The following TAOK1 variants were observed in gnomAD, a reference collection of about 807,000 sequenced individuals.
TAOK1 encodes the protein serine/threonine-protein kinase TAO1.
TAOK1 carries 21 observed loss-of-function variants against 138.3 expected under a neutral mutation model. The ratio of observed to expected loss-of-function variants is 0.15; its 90% CI spans 0.11 to 0.22. TAOK1 has a LOEUF of 0.22. TAOK1 is among the 10% of genes least tolerant of loss of function. TAOK1 has a pLI of 1.00. For synonymous variants in TAOK1, 361 were observed against 398.4 expected (o/e 0.91, Z 1.12); for missense variants, 651 against 1,227.7 (o/e 0.53, Z 7.02).
intron 1 of TAOK1, among the ~76,000 whole-genome samples, chr17:29,421,912 C>CTT (rs951520222): frequency 6.7e-6 from 1 of 149,872 alleles, no homozygotes; most frequent in Admixed American, 6.7e-5. Flanking sequence ...TCTATTTATC[C>CTT]TTTTTTTTTG....
Position 29,544,094 on chromosome 17 carries a change from A to G in TAOK1, c.*1072A>G, listed in dbSNP as rs958403184. On this transcript the variant is annotated 3_prime_UTR_variant, in exon 20 of 20. Coordinates refer to ENST00000261716, the MANE Select transcript of TAOK1 (RefSeq NM_020791.4). ...TCAAATGCCGGAGGTGTTTGATGCC[A>G]TATTTGCAAATTGCCATCTATTGAA... 1 of 152,658 alleles carries G rather than the reference A, an allele frequency of 6.6e-6. No homozygotes were observed. Among genetic ancestry groups the G allele is most frequent in the Non-Finnish European group, 1.5e-5 (1 of 68,038 alleles). 9.5% of individuals were successfully genotyped at this position (152,658 alleles called of 1,614,324 possible). A position where few individuals can be genotyped will look rare whatever the true frequency, so the allele number is the denominator to read the frequency against.
intron 10 of TAOK1, among the ~76,000 whole-genome samples, chr17:29,492,629 T>G (rs1425628892): frequency 6.6e-6 from 1 of 151,480 alleles, no homozygotes; most frequent in African/African-American, 2.4e-5. Flanking sequence ...CCGTCTCTAC[T>G]GAAAATACAA....
intron 17 of TAOK1, among the ~76,000 whole-genome samples, chr17:29,523,783 A>G (rs1206842571): frequency 6.6e-6 from 1 of 152,148 alleles, no homozygotes; most frequent in East Asian, 1.9e-4. Flanking sequence ...ACTTTTATTT[A>G]TATTCAGTAA....
At chr17:29,418,611 G>C (rs2153021561) in intron 1 of TAOK1, among the ~76,000 whole-genome samples, 1 of 152,250 alleles carries the variant, frequency 6.6e-6, no homozygotes, top group Admixed American at 6.5e-5. Flanking sequence ...AGATGATGTA[G>C]TATTTGCATA....
chr17:29,498,411 A>G lies in TAOK1; in HGVS notation c.1093A>G (p.Ser365Gly), dbSNP rs1162639517. ...CATGTCCATCAGTGCCAGCAGCCAAAGCAGTAGTGTTAACAGTCTTCCAGA... is the reference window on the plus strand; with the variant it reads ...CATGTCCATCAGTGCCAGCAGCCAAGGCAGTAGTGTTAACAGTCTTCCAGA... The part of the protein sequence containing the change: ...PSMSISASSQ[S>G]SSVNSLPDVS... Residue 365 changes from serine to glycine, a missense_variant, in exon 12 of 20, where the codon AGC becomes GGC. Around this residue, in one of 8 missense-constraint regions of TAOK1, gnomAD observed 104 missense variants for 151.7 expected, o/e 0.69. Coordinates refer to ENST00000261716, the MANE Select transcript of TAOK1 (RefSeq NM_020791.4). 4 of 1,614,102 alleles carry G rather than the reference A, an allele frequency of 2.5e-6. No individual in the cohort carries two copies. The African/African-American group carries it at 5.3e-5, about 22-fold the overall frequency.
At chr17:29,450,113 G>T (rs562913953) in intron 1 of TAOK1, among the ~76,000 whole-genome samples, 1 of 149,034 alleles carries the variant, frequency 6.7e-6, no homozygotes, top group South Asian at 2.1e-4. Context: ...AACAAACAGG[G>T]TCTCTCTCTC....
chr17:29,496,579 C>CTTTTTTTTTTTTTT (rs748595265), intron 11 of TAOK1, among the ~76,000 whole-genome samples: 1 of 87,858 alleles, frequency 1.1e-5, no homozygotes, highest in Non-Finnish European at 2.0e-5. Context: ...CCATCTACAC[C>CTTTTTTTTTTTTTT]TTTTTTTTTT....
intron 2 of TAOK1, among the ~76,000 whole-genome samples, chr17:29,463,793 A>G (rs1238935660): frequency 6.6e-6 from 1 of 152,210 alleles, no homozygotes; most frequent in Non-Finnish European, 1.5e-5. Flanking sequence ...AGACAACAGG[A>G]GAAAATATTT....
rs572102380 is a variant in TAOK1, at chr17:29,505,201, A to G, written c.1338+2478A>G. 2.0e-5 allele frequency among the ~76,000 whole-genome samples: 3 copies of G among 152,340 alleles called. No homozygotes were observed. In the South Asian group the frequency reaches 6.2e-4, roughly 32 times the overall value. ...TTATTCATTATAAGTGCTATATACC[A>G]TAACTTAGTCTACCGTCTCCTGCCT... On this transcript the variant is annotated intron_variant, in intron 13 of 19. Coordinates refer to ENST00000261716, the MANE Select transcript of TAOK1 (RefSeq NM_020791.4).
chr17:29,457,707 G>C lies in TAOK1; in HGVS notation c.132+6027G>C, dbSNP rs1319857686. On this transcript the variant is annotated intron_variant, in intron 2 of 19. Coordinates refer to ENST00000261716, the MANE Select transcript of TAOK1 (RefSeq NM_020791.4). Reference sequence around the variant, plus strand: ...AGGCGTGAGCCACTGCACCTTGCCTGAGTTTACTGATTTAAGTGCCATCCA... The same window carrying C: ...AGGCGTGAGCCACTGCACCTTGCCTCAGTTTACTGATTTAAGTGCCATCCA... Among the ~76,000 whole-genome samples, 4 of 151,944 alleles carry C rather than the reference G, an allele frequency of 2.6e-5. No individual in the cohort carries two copies. The East Asian group carries it at 5.8e-4, about 22-fold the overall frequency.
Position 29,510,850 on chromosome 17 carries a change from TA to T in TAOK1, c.1576-11del. The T allele has an allele frequency of 6.4e-7, 1 of 1,552,756 alleles. No individual in the cohort carries two copies. The highest frequency in any genetic ancestry group is 8.7e-7 in the Non-Finnish European group (1 of 1,154,202). Reference sequence around the variant, plus strand: ...ACTTAACTAAATTTGATTCATTTTTTAAACTTCATATAGGCTAAAGTGATGT... The same window carrying T: ...ACTTAACTAAATTTGATTCATTTTTTAACTTCATATAGGCTAAAGTGATGT... On this transcript the variant is annotated splice_polypyrimidine_tract_variant and intron_variant, in intron 14 of 19. Transcript: ENST00000261716.
rs761962930 is a variant in TAOK1 at position 29,468,135 on chromosome 17, A to ATTTTTTTTT, written c.204+928_204+936dup. On this transcript the variant is annotated intron_variant, in intron 3 of 19. Transcript: ENST00000261716. Reference sequence around the variant, plus strand: ...AACCACTGTGCTTGGCCTGCTTTCAATTTTTTTTTTTTTTTTTAGGAGCTG... The same window carrying ATTTTTTTTT: ...AACCACTGTGCTTGGCCTGCTTTCAATTTTTTTTTTTTTTTTTTTTTTTTTTAGGAGCTG... 4.3e-3 allele frequency among the ~76,000 whole-genome samples: 330 copies of ATTTTTTTTT among 76,036 alleles called. 60 individuals are homozygous for ATTTTTTTTT. Among genetic ancestry groups the ATTTTTTTTT allele is most frequent in the East Asian group, 0.011 (16 of 1,498 alleles). 49.9% of individuals were successfully genotyped at this position (76,036 alleles called of 152,430 possible). A position where few individuals can be genotyped will look rare whatever the true frequency, so the allele number is the denominator to read the frequency against.
intron 13 of TAOK1, among the ~76,000 whole-genome samples, chr17:29,505,951 G>A (rs937680150): frequency 2.0e-5 from 3 of 152,124 alleles, no homozygotes; most frequent in African/African-American, 2.4e-5. Context: ...AATTGAAAAC[G>A]TTATCAACAA....
chr17:29,399,197 C>T (rs1174901849), intron 1 of TAOK1, among the ~76,000 whole-genome samples: 8 of 151,914 alleles, frequency 5.3e-5, no homozygotes, highest in Non-Finnish European at 1.2e-4. Flanking sequence ...GTTGCCTGGT[C>T]TGGTATCGAA....
At chr17:29,530,713 T>C in intron 18 of TAOK1, 94 bp downstream of exon 18, 2 of 1,032,288 alleles carry the variant, frequency 1.9e-6, no homozygotes, top group Non-Finnish European at 3.0e-6. Context: ...TAGTTGGAAA[T>C]GATAGCTCTC....
chr17:29,405,402 A>T (rs1365754988), intron 1 of TAOK1, among the ~76,000 whole-genome samples: 2 of 152,244 alleles, frequency 1.3e-5, no homozygotes, highest in Non-Finnish European at 2.9e-5. Context: ...TGAGATATTC[A>T]CATAGTTATA....
chr17:29,512,681 C>A, intron 15 of TAOK1: 1 of 129,280 alleles, frequency 7.7e-6, no homozygotes, highest in Non-Finnish European at 1.7e-5. Context: ...ATCCAGCTGA[C>A]AACTTTTTTT....
intron 1 of TAOK1, among the ~76,000 whole-genome samples, chr17:29,441,821 C>G (rs752254373): frequency 2.0e-5 from 3 of 151,972 alleles, no homozygotes; most frequent in Non-Finnish European, 4.4e-5. Flanking sequence ...TCGCTTGAAC[C>G]CAGGAGGCGG....
At chr17:29,402,005 A>T (rs1173207005) in intron 1 of TAOK1, among the ~76,000 whole-genome samples, 1 of 152,106 alleles carries the variant, frequency 6.6e-6, no homozygotes, top group Non-Finnish European at 1.5e-5. Context: ...TCTCTGAAGT[A>T]TGCTTGTTTT....
Sources: allele counts gnomAD v4.1 joint callset (sites outside exome capture counted in the v4.1 genomes callset), GRCh38; gene constraint gnomAD v4.1.1; regional missense constraint gnomAD v4.1.1; transcripts MANE v1.5; gene names NCBI Gene and HGNC (gene_info 2026-07-23, HGNC 2026-07-21).